RGS9: variants seen among roughly 807,000 people sequenced by gnomAD.
RGS9 encodes the protein regulator of G protein signaling 9.
In RGS9, 78 loss-of-function variants were observed where a neutral mutation model predicts 102.0. The observed-to-expected ratio is 0.76, with a 90% CI of 0.64 to 0.92. The LOEUF (loss-of-function observed/expected upper bound fraction) is 0.92. Among genes scored for constraint, RGS9 ranks in the 40% least tolerant of loss-of-function variants. The pLI, the probability that RGS9 is intolerant of heterozygous loss-of-function variation, is 0.00. For synonymous variants in RGS9, 353 were observed against 318.6 expected, an observed-to-expected ratio of 1.11 and a Z score of -1.15; for missense variants, 833 against 866.1, an observed-to-expected ratio of 0.96 and a Z score of 0.48.
At chr17:65,199,031 C>T (rs1027598531) in intron 13 of RGS9, among the ~76,000 whole-genome samples, 3 of 152,162 alleles carry the variant, frequency 2.0e-5, no homozygotes, top group Admixed American at 1.3e-4. Flanking sequence ...AAAGATTTCC[C>T]TGCATTATTT....
At position 65,154,673 on chromosome 17, in the gene RGS9, A is replaced by G. The variant is rs539423457; in HGVS notation, c.154+1155A>G. 1.2e-4 allele frequency among the ~76,000 whole-genome samples: 18 copies of G among 152,264 alleles called. No individual in the cohort carries two copies. In the South Asian group the frequency reaches 3.7e-3, roughly 32 times the overall value. ...GGGGGTGAGGTGCCTACAGAGCATC[A>G]TTTGGGGATATTGGCAAGAAGGGCT... On this transcript the variant is annotated intron_variant, in intron 2 of 18. Transcript: ENST00000262406.
At chr17:65,187,535 A>G (rs1912169335) in intron 9 of RGS9, among the ~76,000 whole-genome samples, 2 of 152,206 alleles carry the variant, frequency 1.3e-5, no homozygotes. Flanking sequence ...AGTACATGAC[A>G]TTCTAGACTG....
rs781620664 is a variant in RGS9, at chr17:65,227,408, G to C, written c.*1G>C. The C allele has an allele frequency of 6.2e-7, 1 of 1,612,824 alleles. No homozygotes were observed. Among genetic ancestry groups the C allele is most frequent in the Admixed American group, 1.7e-5 (1 of 59,820 alleles). On this transcript the variant is annotated 3_prime_UTR_variant, in exon 19 of 19. Transcript: ENST00000262406. ...CATCTGCCCCTGGGAGAGCCTGTAA[G>C]GAAAGAGGCAGGCTGAGCTGGGGGC... is the stretch of plus-strand genomic sequence containing the variant.
intron 8 of RGS9, among the ~76,000 whole-genome samples, chr17:65,177,055 G>GTCCA (rs35750645): frequency 0.11 from 14,967 of 132,796 alleles, 1,160 homozygotes; most frequent in East Asian, 0.25. Flanking sequence ...TCATTTGTTT[G>GTCCA]TCCATCCATC....
intron 17 of RGS9, among the ~76,000 whole-genome samples, chr17:65,221,816 A>G (rs1165694773): frequency 6.6e-6 from 1 of 152,236 alleles, no homozygotes; most frequent in Non-Finnish European, 1.5e-5. Flanking sequence ...GGAAGGGCCA[A>G]CCTAGTGCCC....
chr17:65,153,594 A>G (rs892524482), intron 2 of RGS9, 76 bp downstream of exon 2: 4 of 1,269,810 alleles, frequency 3.2e-6, no homozygotes, highest in Non-Finnish European at 4.6e-6. Context: ...CTGTGTTTGT[A>G]AAAAACTTTA....
intron 3 of RGS9, chr17:65,158,578 G>A: frequency 1.7e-6 from 1 of 599,880 alleles, no homozygotes; most frequent in South Asian, 1.8e-5. Context: ...AAGTGGGGAG[G>A]ACTCAGTCAA....
chr17:65,225,017 G>C lies in RGS9; in HGVS notation c.1423G>C (p.Ala475Pro), dbSNP rs754636746. 1 of 1,613,566 alleles carries C rather than the reference G, an allele frequency of 6.2e-7. No homozygotes were observed. The highest frequency in any genetic ancestry group is 1.3e-5 in the African/African-American group (1 of 74,834). The change falls in exon 18 of 19, where the codon GCT becomes CCT. Residue 475 changes from alanine to proline, a missense_variant. This residue lies in a region of RGS9 where 320 missense variants were observed against 276.8 expected (regional missense o/e 1.16). Coordinates refer to ENST00000262406, the MANE Select transcript of RGS9 (RefSeq NM_003835.4). The stretch of plus-strand genomic sequence containing the variant: ...TTCTCTACAGCCGGGCCAGCACATG[G>C]CTCCCAGCCCCCATCTGACCGTGTA... ...VDITQPGQHM[A>P]PSPHLTVYTG... is the part of the protein sequence containing the mutation.
chr17:65,178,050 G>T (rs1261649478), intron 9 of RGS9, among the ~76,000 whole-genome samples: 1 of 152,150 alleles, frequency 6.6e-6, no homozygotes, highest in African/African-American at 2.4e-5. Context: ...GAGCTAATGG[G>T]ATCTAGATGG....
chr17:65,143,080 T>C (rs78251514), intron 1 of RGS9, among the ~76,000 whole-genome samples: 8,772 of 152,088 alleles, frequency 0.058, 415 homozygotes, highest in African/African-American at 0.13. Context: ...TTTTGAAAAG[T>C]TTTCCAGGTG....
chr17:65,202,442 TGTGAGAGAGA>T (rs1213308844), intron 14 of RGS9, among the ~76,000 whole-genome samples: 1 of 123,176 alleles, frequency 8.1e-6, no homozygotes, highest in Non-Finnish European at 1.7e-5. Flanking sequence ...TGTGTGTGTG[TGTGAGAGAGA>T]GAGAGAGAGA....
chr17:65,203,770 C>A (rs930470875), intron 14 of RGS9, among the ~76,000 whole-genome samples: 1 of 152,040 alleles, frequency 6.6e-6, no homozygotes, highest in Non-Finnish European at 1.5e-5. Context: ...AGAGCAGAGA[C>A]CCCCAGAACA....
At position 65,177,759 on chromosome 17, in the gene RGS9, G is replaced by A. The variant is rs372181396; in HGVS notation, c.610G>A (p.Gly204Ser). 18 of 1,614,198 alleles carry A rather than the reference G, an allele frequency of 1.1e-5. No homozygotes were observed. The highest frequency in any genetic ancestry group is 4.5e-5 in the East Asian group (2 of 44,888). Residue 204 changes from glycine (G) to serine (S), a missense_variant, in exon 9 of 19, where the codon GGC becomes AGC. By Grantham distance (56) the Gly-to-Ser change is moderately conservative (BLOSUM62 0). Around this residue, in one of 3 missense-constraint regions of RGS9, gnomAD observed 328 missense variants for 340.6 expected, o/e 0.96. Coordinates refer to ENST00000262406, the MANE Select transcript of RGS9 (RefSeq NM_003835.4). The stretch of plus-strand genomic sequence containing the variant: ...TGGAATGGACAATGTGCTGGACTAC[G>A]GCCTGGACCGAGTGACCAATCCGAA... ...PPGMDNVLDY[G>S]LDRVTNPNEV... is the part of the protein sequence containing the mutation.
intron 10 of RGS9, among the ~76,000 whole-genome samples, chr17:65,189,671 A>G (rs1266821567): frequency 6.6e-6 from 1 of 152,168 alleles, no homozygotes; most frequent in African/African-American, 2.4e-5. Context: ...GCAACTGCCT[A>G]TTTTGGCAAA....
intron 2 of RGS9, among the ~76,000 whole-genome samples, chr17:65,157,107 T>C (rs1237356277): frequency 6.7e-6 from 1 of 149,270 alleles, no homozygotes; most frequent in Non-Finnish European, 1.5e-5. Context: ...GGAAGTATCA[T>C]TGGCAATTAT....
intron 9 of RGS9, among the ~76,000 whole-genome samples, chr17:65,184,238 CT>C (rs2144050546): frequency 6.6e-6 from 1 of 152,218 alleles, no homozygotes; most frequent in South Asian, 2.1e-4. Context: ...TTCTTATTGC[CT>C]TTGGCTAAGA....
chr17:65,224,296 T>C (rs958838109), intron 17 of RGS9, among the ~76,000 whole-genome samples: 1 of 152,114 alleles, frequency 6.6e-6, no homozygotes, highest in African/African-American at 2.4e-5. Context: ...CCCAGGAAGG[T>C]TGAGATACTT....
chr17:65,140,013 C>T (rs1460482537), intron 1 of RGS9, among the ~76,000 whole-genome samples: 1 of 152,186 alleles, frequency 6.6e-6, no homozygotes, highest in African/African-American at 2.4e-5. Flanking sequence ...TGATGAAGTA[C>T]ACGGTGTCCA....
In RGS9 at chr17:65,198,486, C is replaced by A. The variant is rs111761498; in HGVS notation, c.976+1245C>A. On this transcript the variant is annotated intron_variant, in intron 13 of 18. Coordinates refer to ENST00000262406, the MANE Select transcript of RGS9 (RefSeq NM_003835.4). ...GGCCAGGCTGGTCTCGAACTCTTAA[C>A]CTCTAGTGATCCACCTGCCTCGGCC... is the stretch of plus-strand genomic sequence containing the variant. 2.8e-3 allele frequency among the ~76,000 whole-genome samples: 433 copies of A among 152,268 alleles called. 3 individuals are homozygous for A. The highest frequency in any genetic ancestry group is 0.01 in the African/African-American group (422 of 41,548).
Sources: gnomAD v4.1 joint callset for allele counts (sites outside exome capture counted in the v4.1 genomes callset) on GRCh38, gnomAD v4.1.1 for gene constraint, gnomAD v4.1.1 regional missense constraint, MANE v1.5 for transcripts, NCBI Gene and HGNC (gene_info 2026-07-23, HGNC 2026-07-21) for gene names.